Variants in DYM observed in about 807,000 individuals in gnomAD.
The protein encoded by DYM is dymeclin.
Under a neutral mutation model 93.1 loss-of-function variants are expected in DYM, and 78 were observed. The observed-to-expected ratio is 0.84, with a 90% CI of 0.70 to 1.01. The LOEUF is 1.01. DYM is among the 50% of genes least tolerant of loss of function. The pLI is 0.00. For synonymous variants in DYM, 321 were observed against 319.7 expected, an observed-to-expected ratio of 1.00 and a Z score of -0.04; for missense variants, 789 against 845.0, an observed-to-expected ratio of 0.93 and a Z score of 0.82.
At chr18:49,303,330 C>A (rs958161094) in intron 8 of DYM, among the ~76,000 whole-genome samples, 3 of 152,146 alleles carry the variant, frequency 2.0e-5, no homozygotes, top group Non-Finnish European at 4.4e-5. Context: ...GTTGTCACTA[C>A]ATTTAAGGTG....
At chr18:49,080,470 G>A (rs1435346869) in intron 17 of DYM, among the ~76,000 whole-genome samples, 3 of 136,274 alleles carry the variant, frequency 2.2e-5, no homozygotes, top group East Asian at 2.3e-4. Flanking sequence ...CTGGGCAGAG[G>A]CGCCCCTCAC....
chr18:49,262,285 A>G (rs529318601), intron 11 of DYM, among the ~76,000 whole-genome samples: 9 of 152,298 alleles, frequency 5.9e-5, no homozygotes, highest in African/African-American at 1.9e-4. Flanking sequence ...GGATGACACA[A>G]GAAAGGGTCT....
At chr18:49,370,891 A>C (rs1377685714) in intron 5 of DYM, among the ~76,000 whole-genome samples, 1 of 152,258 alleles carries the variant, frequency 6.6e-6, no homozygotes, top group Non-Finnish European at 1.5e-5. Context: ...TGGGCTTCCC[A>C]GAATGTAAAG....
At chr18:49,230,492 T>C in intron 13 of DYM, among the ~76,000 whole-genome samples, 1 of 152,146 alleles carries the variant, frequency 6.6e-6, no homozygotes, top group East Asian at 1.9e-4. Context: ...AAACCAAGTG[T>C]TTCCTGCCAT....
At chr18:49,165,619 T>A (rs1207391313) in intron 14 of DYM, among the ~76,000 whole-genome samples, 2 of 152,172 alleles carry the variant, frequency 1.3e-5, no homozygotes, top group Non-Finnish European at 2.9e-5. Flanking sequence ...TTATTGGTAA[T>A]GTTAGATGTT....
chr18:49,316,553 G>T (rs920076233), intron 8 of DYM, among the ~76,000 whole-genome samples: 2 of 152,104 alleles, frequency 1.3e-5, no homozygotes, highest in Admixed American at 1.3e-4. Context: ...ATAAATGATA[G>T]TAAATCCACA....
intron 14 of DYM, among the ~76,000 whole-genome samples, chr18:49,164,000 A>C (rs958747671): frequency 2.0e-5 from 3 of 152,140 alleles, no homozygotes; most frequent in African/African-American, 7.2e-5. Flanking sequence ...AATTCTAAAA[A>C]ATTTTTTAAT....
intron 5 of DYM, chr18:49,368,504 T>C (rs1050385321): frequency 2.0e-5 from 3 of 152,246 alleles, no homozygotes; most frequent in Admixed American, 6.5e-5. Flanking sequence ...TTTTTTGCAT[T>C]GCTTACCTAT....
At position 49,042,369 on chromosome 18, in the gene DYM, T is replaced by C. The variant is rs1462471141; in HGVS notation, c.*1686A>G. The C allele has an allele frequency of 1.3e-5, 2 of 152,424 alleles. No homozygotes were observed. Among genetic ancestry groups the C allele is most frequent in the Non-Finnish European group, 2.9e-5 (2 of 68,086 alleles). 9.4% of individuals were successfully genotyped at this position (152,424 alleles called of 1,614,324 possible). On this transcript the variant is annotated 3_prime_UTR_variant, in exon 18 of 18. Transcript: ENST00000675505. ...TTGGCCTTAGGGAACCTCTGTTTCA[T>C]TCCATCCAGACGAGGATAGGGAAGC... is the stretch of plus-strand genomic sequence containing the variant.
chr18:49,185,715 C>T (rs896418487), intron 14 of DYM, among the ~76,000 whole-genome samples: 2 of 152,170 alleles, frequency 1.3e-5, no homozygotes, highest in African/African-American at 2.4e-5. Context: ...AAGTATTTTG[C>T]GTGTACACAT....
chr18:49,269,960 T>A lies in DYM; in HGVS notation c.1251+2218A>T, dbSNP rs151254195. 2.0e-4 allele frequency among the ~76,000 whole-genome samples: 30 copies of A among 152,314 alleles called. No homozygotes were observed. The South Asian group carries it at 4.4e-3, about 22-fold the overall frequency. ...CATGGTACCCTATACAGGTGTGCCT[T>A]TTAAAATCTTTTATACTGTATTTTT... On this transcript the variant is annotated intron_variant, in intron 11 of 17. Transcript: ENST00000675505.
intron 6 of DYM, among the ~76,000 whole-genome samples, chr18:49,353,579 T>C (rs956009152): frequency 9.9e-5 from 15 of 151,828 alleles, no homozygotes; most frequent in Admixed American, 1.3e-4. Flanking sequence ...TTAAATATAA[T>C]AGAATATAGC....
chr18:49,316,293 A>C (rs574503581), intron 8 of DYM, among the ~76,000 whole-genome samples: 66 of 152,288 alleles, frequency 4.3e-4, no homozygotes, highest in South Asian at 2.9e-3. Context: ...CACACACAAA[A>C]AAAAATCATG....
At chr18:49,287,304 C>G (rs547252195) in intron 8 of DYM, among the ~76,000 whole-genome samples, 2 of 150,574 alleles carry the variant, frequency 1.3e-5, no homozygotes, top group South Asian at 4.2e-4. Context: ...ATATGGTCAT[C>G]TCGAGAGTTT....
Position 49,429,825 on chromosome 18 carries a change from T to C in DYM, c.140+430A>G, listed in dbSNP as rs545836281. ...ACAGAAAAACCAATTAAATATATTC[T>C]ACAGATACTCCACAGCCATTAAAAA... is the stretch of plus-strand genomic sequence containing the variant. On this transcript the variant is annotated intron_variant, in intron 2 of 17. Transcript: ENST00000675505. Among the ~76,000 whole-genome samples the C allele has an allele frequency of 5.3e-5, 8 of 152,256 alleles. No homozygotes were observed. The East Asian group carries it at 1.5e-3, about 29-fold the overall frequency.
intron 17 of DYM, among the ~76,000 whole-genome samples, chr18:49,085,317 T>C (rs1033067311): frequency 6.6e-6 from 1 of 152,248 alleles, no homozygotes; most frequent in Admixed American, 6.5e-5. Context: ...CTATTTCATA[T>C]TTTAAATCTA....
At chr18:49,175,701 A>G (rs1310923445) in intron 14 of DYM, among the ~76,000 whole-genome samples, 1 of 152,184 alleles carries the variant, frequency 6.6e-6, no homozygotes, top group Non-Finnish European at 1.5e-5. Context: ...AGTACACAGC[A>G]TAATGCATGG....
chr18:49,277,228 T>C (rs2094866990), intron 10 of DYM, among the ~76,000 whole-genome samples: 2 of 152,120 alleles, frequency 1.3e-5, no homozygotes, highest in Non-Finnish European at 2.9e-5. Context: ...ACTGAACATA[T>C]ATGGCACATA....
intron 8 of DYM, among the ~76,000 whole-genome samples, chr18:49,319,120 A>C (rs536116210): frequency 1.2e-4 from 18 of 152,268 alleles, no homozygotes; most frequent in African/African-American, 3.9e-4. Context: ...AGGTAACATT[A>C]TTTCTACTTT....
Sources: gnomAD v4.1 joint callset for allele counts (sites outside exome capture counted in the v4.1 genomes callset) on GRCh38, gnomAD v4.1.1 for gene constraint, MANE v1.5 for transcripts, NCBI Gene and HGNC (gene_info 2026-07-23, HGNC 2026-07-21) for gene names.